MICALL2: variants seen among roughly 807,000 people sequenced by gnomAD.
The protein encoded by MICALL2 is MICAL like 2.
In MICALL2, 111 loss-of-function variants were observed where a neutral mutation model predicts 91.1. The ratio of observed to expected loss-of-function variants is 1.22; its 90% CI spans 1.04 to 1.43. The LOEUF (loss-of-function observed/expected upper bound fraction) is 1.43, where lower values mean the gene tolerates loss of function less well. MICALL2 is among the 40% of genes most tolerant of loss of function. The probability of loss-of-function intolerance (pLI) is 0.00; values close to 1 mark genes in which losing one functional copy is unlikely to be tolerated. For missense variants in MICALL2, 1,556 were observed against 1,236.0 expected, an observed-to-expected ratio of 1.26 and a Z score of -3.88; for synonymous variants, 694 against 525.3, an observed-to-expected ratio of 1.32 and a Z score of -4.39.
intron 2 of MICALL2, among the ~76,000 whole-genome samples, chr7:1,449,710 G>A (rs985359661): frequency 5.3e-5 from 8 of 152,232 alleles, no homozygotes; most frequent in African/African-American, 1.7e-4. Context: ...CAGGGCGCGT[G>A]GTGAGTCTGC....
rs1781092778 is a variant in MICALL2 at position 1,458,325 on chromosome 7, C to A, written c.143+859G>T. On this transcript the variant is annotated intron_variant, in intron 1 of 16. Coordinates refer to ENST00000297508, the MANE Select transcript of MICALL2 (RefSeq NM_182924.4). ...CTGTGGCTCCTCCCAACCCCGAGAC[C>A]TTCCCACCAAAAACACACTCAGGAG... Among the ~76,000 whole-genome samples the A allele has an allele frequency of 3.9e-5, 6 of 152,342 alleles. No individual in the cohort carries two copies. The South Asian group carries it at 1.2e-3, about 32-fold the overall frequency.
chr7:1,443,610 T>C lies in MICALL2; in HGVS notation c.1418+1042A>G, dbSNP rs377278327. Among the ~76,000 whole-genome samples the C allele has an allele frequency of 3.5e-4, 53 of 152,316 alleles. 1 individual carries two copies. In the South Asian group the frequency reaches 9.7e-3, roughly 28 times the overall value. On this transcript the variant is annotated intron_variant, in intron 6 of 16. Transcript: ENST00000297508. ...AGGGTGGACCCTAGTCCAACAACCA[T>C]GTCCTTAGAAGAGACAGAAGAGGAG... is the stretch of plus-strand genomic sequence containing the variant.
Position 1,437,922 on chromosome 7 carries a change from A to C in MICALL2, c.2370T>G (p.Leu790=), listed in dbSNP as rs757086437. Residue 790 remains leucine, a synonymous_variant, in exon 13 of 17, where the codon CTT becomes CTG. Coordinates refer to ENST00000297508, the MANE Select transcript of MICALL2 (RefSeq NM_182924.4). ...TCAGCTCTGACTCCTGTCTCAGCAG[A>C]AGCTGCTTCTCGTGAATGAGCCAGA... ...DWFWLIHEKQ[L]LLRQESELMY... is the part of the protein sequence containing the mutation. The C allele has an allele frequency of 6.5e-7, 1 of 1,549,502 alleles. No homozygotes were observed. Among genetic ancestry groups the C allele is most frequent in the Non-Finnish European group, 8.7e-7 (1 of 1,146,918 alleles).
intron 7 of MICALL2, 176 bp from the exon 8 acceptor site, chr7:1,440,860 T>C (rs1000821569): frequency 8.3e-6 from 5 of 606,010 alleles, no homozygotes; most frequent in Non-Finnish European, 1.2e-5. Flanking sequence ...GGGGAGGGGC[T>C]CCCAGCTGGC....
chr7:1,440,806 A>C, intron 7 of MICALL2, 122 bp from the exon 8 acceptor site: 1 of 800,728 alleles, frequency 1.2e-6, no homozygotes, highest in East Asian at 2.7e-5. Flanking sequence ...ACACCCCCAC[A>C]GCCAGCCGGC....
At chr7:1,439,856 CG>C (rs1780195532) in intron 9 of MICALL2, 68 bp downstream of exon 9, 2 of 1,338,386 alleles carry the variant, frequency 1.5e-6, no homozygotes, top group Non-Finnish European at 1.9e-6. Context: ...GGTCCAGTCC[CG>C]GGGCCCCCAC....
chr7:1,434,981 A>AGCCCCC, intron 16 of MICALL2, 120 bp downstream of exon 16: 3 of 372,300 alleles, frequency 8.1e-6, no homozygotes, highest in Non-Finnish European at 1.5e-5. Context: ...GGGACCCGAT[A>AGCCCCC]CCCGCCCCCC....
Position 1,439,908 on chromosome 7 carries a change from G to T in MICALL2, c.1966+17C>A. ...AGCTAGGCAACCCGGGGGCCCCTGGGTCCCGTCCAGGAGTACCTGGGAGGC... is the reference window on the plus strand; with the variant it reads ...AGCTAGGCAACCCGGGGGCCCCTGGTTCCCGTCCAGGAGTACCTGGGAGGC... On this transcript the variant is annotated intron_variant, in intron 9 of 16. Transcript: ENST00000297508. 7.0e-7 allele frequency: 1 copy of T among 1,426,562 alleles called. No homozygotes were observed. The highest frequency in any genetic ancestry group is 9.1e-7 in the Non-Finnish European group (1 of 1,093,140). The allele number at this position is 1,426,562 out of a possible 1,614,324, so 88.4% of individuals were successfully genotyped here.
rs958492846 is a variant in MICALL2, at chr7:1,439,155, C to A, written c.1967-160G>T. On this transcript the variant is annotated intron_variant, in intron 9 of 16. Coordinates refer to ENST00000297508, the MANE Select transcript of MICALL2 (RefSeq NM_182924.4). ...GTTGGCATCACAAGCCCTACACCCA[C>A]GTCCTGCCCAACCTGGCCATGTCTC... The A allele has an allele frequency of 1.6e-5, 10 of 608,790 alleles. 1 individual carries two copies. In the South Asian group the frequency reaches 2.1e-4, roughly 13 times the overall value. The allele number at this position is 608,790 out of a possible 1,614,324, so 37.7% of individuals were successfully genotyped here. A position where few individuals can be genotyped will look rare whatever the true frequency, so the allele number is the denominator to read the frequency against.
intron 2 of MICALL2, among the ~76,000 whole-genome samples, chr7:1,449,324 A>G (rs1343728769): frequency 6.6e-6 from 1 of 152,070 alleles, no homozygotes; most frequent in East Asian, 1.9e-4. Flanking sequence ...TTTATTTATT[A>G]TTATGTTTTT....
At chr7:1,457,312 G>A (rs1361655327) in intron 1 of MICALL2, among the ~76,000 whole-genome samples, 1 of 152,190 alleles carries the variant, frequency 6.6e-6, no homozygotes, top group Non-Finnish European at 1.5e-5. Flanking sequence ...CCACCCTCTG[G>A]AGCTGACAGT....
chr7:1,444,754 G>T lies in MICALL2; in HGVS notation c.1316C>A (p.Pro439Gln). ...GTSLSGRGPTPSLVLSKDSSK... is the reference protein window; with the variant it reads ...GTSLSGRGPTQSLVLSKDSSK... ...GCTGTCCTTGGATAGAACAAGTGAC[G>T]GGGTGGGACCTCTGCCAGAAAGGCT... Residue 439 changes from proline (P) to glutamine (Q), a missense_variant, in exon 6 of 17, where the codon CCG (proline) becomes CAG (glutamine). Transcript: ENST00000297508. 1 of 1,612,298 alleles carries T rather than the reference G, an allele frequency of 6.2e-7. No homozygotes were observed.
In MICALL2 at chr7:1,452,476, C is replaced by T. The variant is rs1481333768; in HGVS notation, c.144-2188G>A. ...AAGCTCAAGCTCTTCTGCAGACCTT[C>T]CCTAGGGTCACTGACCAAAGCGGCC... On this transcript the variant is annotated intron_variant, in intron 1 of 16. Transcript: ENST00000297508. The surrounding 1 kb of genome is among the most constrained non-coding windows in gnomAD (Gnocchi z 6.2). 6.6e-6 allele frequency among the ~76,000 whole-genome samples: 1 copy of T among 152,180 alleles called. No individual in the cohort carries two copies. The highest frequency in any genetic ancestry group is 2.4e-5 in the African/African-American group (1 of 41,442).
In MICALL2 at chr7:1,438,297, G is replaced by C. The variant is rs748306191; in HGVS notation, c.2179C>G (p.Pro727Ala). The C allele has an allele frequency of 6.2e-7, 1 of 1,600,676 alleles. No homozygotes were observed. The highest frequency in any genetic ancestry group is 8.5e-7 in the Non-Finnish European group (1 of 1,174,434). ...TCCCCACCACTACTCACCCTGACTG[G>C]GGAGGTCACCGTCTCGCCAGGCAGA... ...PALPGETVTS[P>A]VRLHPDYLSP... Residue 727 changes from proline to alanine, a missense_variant, in exon 11 of 17, where the codon CCA (proline) becomes GCA (alanine). Transcript: ENST00000297508.
At chr7:1,436,984 C>A in intron 14 of MICALL2, 128 bp from the exon 15 acceptor site, 1 of 622,806 alleles carries the variant, frequency 1.6e-6, no homozygotes, top group South Asian at 2.4e-5. Flanking sequence ...TGGGGGGATC[C>A]GGAGCAGAAT....
intron 1 of MICALL2, among the ~76,000 whole-genome samples, chr7:1,454,229 C>T (rs1234376851): frequency 6.6e-6 from 1 of 151,980 alleles, no homozygotes; most frequent in Non-Finnish European, 1.5e-5. Flanking sequence ...ACATCCAGCA[C>T]ATCAGGAGAG....
rs1436325066 is a variant in MICALL2 at position 1,452,680 on chromosome 7, C to G, written c.144-2392G>C. On this transcript the variant is annotated intron_variant, in intron 1 of 16. Coordinates refer to ENST00000297508, the MANE Select transcript of MICALL2 (RefSeq NM_182924.4). The surrounding 1 kb of genome is among the most constrained non-coding windows in gnomAD (Gnocchi z 6.2). ...CAGGGCCATCTCACCCCCAGACCCA[C>G]AGTCAGGCTCTCAGAGCTCCAGGCA... Among the ~76,000 whole-genome samples the G allele has an allele frequency of 6.6e-6, 1 of 152,190 alleles. No homozygotes were observed. The highest frequency in any genetic ancestry group is 1.5e-5 in the Non-Finnish European group (1 of 68,002).
chr7:1,435,020 CCCAG>C, intron 16 of MICALL2, 77 bp downstream of exon 16: 2 of 1,225,360 alleles, frequency 1.6e-6, no homozygotes, highest in Middle Eastern at 2.3e-4. Flanking sequence ...GCCCGGTCCA[CCCAG>C]CCAGCCAGCC....
At position 1,444,652 on chromosome 7, in the gene MICALL2, C is replaced by G. The variant is rs1780475180; in HGVS notation, c.1418G>C (p.Arg473Thr). The G allele has an allele frequency of 6.2e-7, 1 of 1,608,850 alleles. No homozygotes were observed. The highest frequency in any genetic ancestry group is 1.3e-5 in the African/African-American group (1 of 74,902). Reference sequence around the variant, plus strand: ...GGTCCCTCGGTCCCCACGCGCTCACCTGCCAGGCGCCGGAGCGCCAGCCTC... The same window carrying G: ...GGTCCCTCGGTCCCCACGCGCTCACGTGCCAGGCGCCGGAGCGCCAGCCTC... ...LEEAGAPAPG[R>T]PSPATAAVPS... Residue 473 changes from arginine (R) to threonine (T), a missense_variant and splice_region_variant, in exon 6 of 17, where the codon AGG becomes ACG. Arg to Thr is a moderately conservative substitution (Grantham distance 71). Transcript: ENST00000297508.
Sources: allele counts gnomAD v4.1 joint callset (sites outside exome capture counted in the v4.1 genomes callset), GRCh38; gene constraint gnomAD v4.1.1; non-coding constraint Gnocchi (gnomAD v3.1); transcripts MANE v1.5; gene names NCBI Gene and HGNC (gene_info 2026-07-23, HGNC 2026-07-21).